The following KCNJ3 variants were observed in gnomAD, a reference collection of about 807,000 sequenced individuals.
The protein encoded by KCNJ3 is potassium inwardly rectifying channel subfamily J member 3, also known as G protein-activated inward rectifier potassium channel 1.
A neutral mutation model predicts 39.2 loss-of-function variants in KCNJ3; 4 were observed. The observed-to-expected ratio is 0.10, with a 90% CI of 0.05 to 0.23. The LOEUF (loss-of-function observed/expected upper bound fraction) is 0.23. Ranked by LOEUF, KCNJ3 falls within the 10% of genes least tolerant of loss-of-function variation. KCNJ3 has a pLI of 1.00. For missense variants in KCNJ3, 276 were observed against 634.9 expected (o/e 0.43, Z 6.08); for synonymous variants, 230 against 237.4 (o/e 0.97, Z 0.29).
chr2:154,784,558 T>G (rs2105205749), intron 2 of KCNJ3, among the ~76,000 whole-genome samples: 1 of 152,216 alleles, frequency 6.6e-6, no homozygotes, highest in Non-Finnish European at 1.5e-5. Flanking sequence ...AATTTTTATA[T>G]TTTTAGTAGA....
intron 2 of KCNJ3, among the ~76,000 whole-genome samples, chr2:154,835,180 A>C (rs77006624): frequency 0.047 from 7,081 of 152,032 alleles, 208 homozygotes; most frequent in African/African-American, 0.061. Flanking sequence ...AGGCTCAGAA[A>C]AATCTTGGAT....
intron 2 of KCNJ3, among the ~76,000 whole-genome samples, chr2:154,847,069 T>A (rs1281498144): frequency 6.6e-6 from 1 of 152,162 alleles, no homozygotes; most frequent in Non-Finnish European, 1.5e-5. Context: ...TTGAGCAGAA[T>A]ATGTGGAGAT....
At chr2:154,815,952 G>A (rs976550255) in intron 2 of KCNJ3, among the ~76,000 whole-genome samples, 6 of 152,234 alleles carry the variant, frequency 3.9e-5, no homozygotes, top group Non-Finnish European at 5.9e-5. Context: ...ATATAAATGT[G>A]TGTCCCACCA....
intron 2 of KCNJ3, among the ~76,000 whole-genome samples, chr2:154,739,991 A>T (rs2105174155): frequency 6.6e-6 from 1 of 152,220 alleles, no homozygotes; most frequent in African/African-American, 2.4e-5. Context: ...AGAAATGGAA[A>T]GGACTGACTG....
At chr2:154,733,979 C>T (rs1278119223) in intron 2 of KCNJ3, among the ~76,000 whole-genome samples, 1 of 152,082 alleles carries the variant, frequency 6.6e-6, no homozygotes, top group Non-Finnish European at 1.5e-5. Context: ...CTGAAACTTA[C>T]ACAATATAAA....
chr2:154,801,763 A>G (rs1332239659), intron 2 of KCNJ3, among the ~76,000 whole-genome samples: 1 of 151,992 alleles, frequency 6.6e-6, no homozygotes, highest in Non-Finnish European at 1.5e-5. Context: ...AGTAGCTGAC[A>G]CTACAGGTGT....
chr2:154,759,385 C>T (rs1358217176), intron 2 of KCNJ3, among the ~76,000 whole-genome samples: 1 of 150,894 alleles, frequency 6.6e-6, no homozygotes, highest in Non-Finnish European at 1.5e-5. Context: ...TGCAATATAC[C>T]TAAAGGACCT....
intron 2 of KCNJ3, among the ~76,000 whole-genome samples, chr2:154,755,161 A>G (rs558169549): frequency 7.3e-4 from 111 of 152,134 alleles, no homozygotes; most frequent in African/African-American, 2.6e-3. Flanking sequence ...AGAGTTTTCC[A>G]CATTTTTAAA....
chr2:154,845,030 G>A (rs773310459), intron 2 of KCNJ3, among the ~76,000 whole-genome samples: 100 of 152,280 alleles, frequency 6.6e-4, no homozygotes, highest in Non-Finnish European at 1.0e-3. Flanking sequence ...TGTCTTCTGC[G>A]TTGATCACAT....
chr2:154,807,937 T>TG (rs1195407182), intron 2 of KCNJ3, among the ~76,000 whole-genome samples: 1 of 152,090 alleles, frequency 6.6e-6, no homozygotes, highest in African/African-American at 2.4e-5. Context: ...CCCCAGGTGT[T>TG]GGAGTTGGTG....
chr2:154,846,385 G>A (rs528407487), intron 2 of KCNJ3, among the ~76,000 whole-genome samples: 60 of 152,276 alleles, frequency 3.9e-4, no homozygotes, highest in South Asian at 3.3e-3. Flanking sequence ...AATCATGACT[G>A]ATAATAGTGA....
intron 2 of KCNJ3, among the ~76,000 whole-genome samples, chr2:154,809,832 G>T (rs750525122): frequency 6.6e-6 from 1 of 151,754 alleles, no homozygotes; most frequent in Admixed American, 6.6e-5. Flanking sequence ...ATATTATAAA[G>T]AAATAACATT....
chr2:154,836,219 CAAAAAAAAACA>C (rs1687459214), intron 2 of KCNJ3, among the ~76,000 whole-genome samples: 1 of 118,648 alleles, frequency 8.4e-6, no homozygotes, highest in Non-Finnish European at 1.7e-5. Context: ...AAAAAAAAAA[CAAAAAAAAACA>C]AAAAAAAAAA....
intron 2 of KCNJ3, among the ~76,000 whole-genome samples, chr2:154,838,321 A>G (rs917412628): frequency 6.6e-6 from 1 of 152,186 alleles, no homozygotes; most frequent in African/African-American, 2.4e-5. Context: ...ACAAAATAGC[A>G]GACTAGCATG....
chr2:154,787,883 A>T (rs1686561446), intron 2 of KCNJ3, among the ~76,000 whole-genome samples: 3 of 152,160 alleles, frequency 2.0e-5, no homozygotes. Flanking sequence ...ACTAAATGAG[A>T]TCTAGTACCT....
intron 2 of KCNJ3, among the ~76,000 whole-genome samples, chr2:154,724,476 C>T (rs1353376522): frequency 6.6e-6 from 1 of 152,034 alleles, no homozygotes; most frequent in Non-Finnish European, 1.5e-5. Flanking sequence ...ACTTTTCGTA[C>T]AGCTCGAGAA....
At chr2:154,709,875 A>G (rs969201015) in intron 2 of KCNJ3, 56 bp downstream of exon 2, 6 of 1,583,864 alleles carry the variant, frequency 3.8e-6, no homozygotes, top group Non-Finnish European at 4.3e-6. Context: ...ACATTATATG[A>G]TATGCACAAT....
chr2:154,855,404 T>C lies in KCNJ3; in HGVS notation c.*91T>C. 4 of 866,380 alleles carry C rather than the reference T, an allele frequency of 4.6e-6. No individual in the cohort carries two copies. The highest frequency in any genetic ancestry group is 3.0e-5 in the Admixed American group (1 of 33,888). The allele number at this position is 866,380 out of a possible 1,614,324, so 53.7% of individuals were successfully genotyped here. ...TAATTCTCCCTAAGGAATCTGAAAGTATATTTTCCTCCCAGTTCTACAAGC... is the reference window on the plus strand; with the variant it reads ...TAATTCTCCCTAAGGAATCTGAAAGCATATTTTCCTCCCAGTTCTACAAGC... On this transcript the variant is annotated 3_prime_UTR_variant, in exon 3 of 3. Coordinates refer to ENST00000295101, the MANE Select transcript of KCNJ3 (RefSeq NM_002239.4).
At chr2:154,762,188 A>G (rs1553457327) in intron 2 of KCNJ3, among the ~76,000 whole-genome samples, 1 of 152,218 alleles carries the variant, frequency 6.6e-6, no homozygotes, top group Non-Finnish European at 1.5e-5. Context: ...GATTTAAGCC[A>G]TTAAGTTTGT....
Sources: allele counts gnomAD v4.1 joint callset (sites outside exome capture counted in the v4.1 genomes callset), GRCh38; gene constraint gnomAD v4.1.1; transcripts MANE v1.5; gene names NCBI Gene and HGNC (gene_info 2026-07-23, HGNC 2026-07-21).